Variants in NRXN3 observed in about 807,000 individuals in gnomAD.
NRXN3 encodes neurexin 3.
In NRXN3, 32 loss-of-function variants were observed where a neutral mutation model predicts 137.6. The observed-to-expected ratio is 0.23, with a 90% confidence interval of 0.18 to 0.31. The LOEUF is 0.31. Ranked by LOEUF, NRXN3 falls within the 10% of genes least tolerant of loss-of-function variation. NRXN3 has a pLI of 1.00. For missense variants in NRXN3, 1,574 were observed against 2,062.5 expected (o/e 0.76, Z 4.59); for synonymous variants, 798 against 784.5 (o/e 1.02, Z -0.29).
chr14:78,684,076 T>C (rs2152749996), intron 6 of NRXN3, among the ~76,000 whole-genome samples: 1 of 152,302 alleles, frequency 6.6e-6, no homozygotes, highest in East Asian at 1.9e-4. Flanking sequence ...TAAATCTTTG[T>C]CCCTTAGGCT....
intron 4 of NRXN3, among the ~76,000 whole-genome samples, chr14:78,436,451 G>T (rs1343127370): frequency 6.6e-6 from 1 of 152,164 alleles, no homozygotes; most frequent in African/African-American, 2.4e-5. Context: ...TGAGGCACAA[G>T]GAGGAAAATA....
intron 4 of NRXN3, among the ~76,000 whole-genome samples, chr14:78,411,509 G>T (rs1010874012): frequency 1.3e-5 from 2 of 152,138 alleles, no homozygotes; most frequent in African/African-American, 2.4e-5. Context: ...CTTCCCACAA[G>T]GTTATTGTGA....
intron 15 of NRXN3, chr14:79,074,608 G>A (rs1195880677): frequency 1.3e-5 from 2 of 152,208 alleles, no homozygotes; most frequent in African/African-American, 2.4e-5. Context: ...AGCAGACCTT[G>A]GGAATCCAGT....
At chr14:79,171,684 C>T (rs192881116) in intron 15 of NRXN3, among the ~76,000 whole-genome samples, 1 of 152,148 alleles carries the variant, frequency 6.6e-6, no homozygotes, top group African/African-American at 2.4e-5. Flanking sequence ...TCAGAACTTT[C>T]TTGCTCTTCT....
chr14:79,631,201 A>G (rs1041956801), intron 16 of NRXN3, among the ~76,000 whole-genome samples: 10 of 152,272 alleles, frequency 6.6e-5, no homozygotes, highest in African/African-American at 2.4e-4. Context: ...GAGACAGATC[A>G]TACTTTAATT....
At chr14:78,522,967 T>A (rs1169929142) in intron 4 of NRXN3, among the ~76,000 whole-genome samples, 2 of 152,230 alleles carry the variant, frequency 1.3e-5, no homozygotes, top group Non-Finnish European at 2.9e-5. Flanking sequence ...GGAATGTGAA[T>A]TCATAGTGTT....
intron 15 of NRXN3, among the ~76,000 whole-genome samples, chr14:79,223,952 G>A (rs2070326073): frequency 6.6e-6 from 1 of 151,916 alleles, no homozygotes; most frequent in African/African-American, 2.4e-5. Context: ...ACGGGGAGGA[G>A]GAATGATGTT....
At chr14:78,568,709 G>A (rs2096859518) in intron 4 of NRXN3, among the ~76,000 whole-genome samples, 1 of 152,122 alleles carries the variant, frequency 6.6e-6, no homozygotes, top group Admixed American at 6.5e-5. Context: ...GTTTTTTACT[G>A]ACTGCATATT....
At chr14:78,965,330 C>A (rs1366012409) in intron 11 of NRXN3, among the ~76,000 whole-genome samples, 1 of 152,114 alleles carries the variant, frequency 6.6e-6, no homozygotes, top group East Asian at 1.9e-4. Context: ...AGGGCCTAAG[C>A]CCCCCAGGTG....
At chr14:78,515,240 A>G (rs1263024021) in intron 4 of NRXN3, among the ~76,000 whole-genome samples, 2 of 152,156 alleles carry the variant, frequency 1.3e-5, no homozygotes, top group African/African-American at 4.8e-5. Context: ...CTAGGGATAG[A>G]GGGATGCTCA....
chr14:79,431,929 A>G (rs776224113), intron 15 of NRXN3, among the ~76,000 whole-genome samples: 2 of 152,148 alleles, frequency 1.3e-5, no homozygotes, highest in Non-Finnish European at 2.9e-5. Context: ...TTTACATGAC[A>G]GTAGCTTAAT....
chr14:79,531,046 A>T (rs572252525), intron 16 of NRXN3, among the ~76,000 whole-genome samples: 2 of 152,250 alleles, frequency 1.3e-5, no homozygotes, highest in South Asian at 4.1e-4. Context: ...TCACATTTGG[A>T]TTGAGAATTT....
chr14:79,199,435 C>G (rs1422976063), intron 15 of NRXN3, among the ~76,000 whole-genome samples: 3 of 152,090 alleles, frequency 2.0e-5, no homozygotes, highest in African/African-American at 2.4e-5. Flanking sequence ...AGAAGCCACA[C>G]TGAGGATTGA....
chr14:78,408,498 T>A (rs2092635333), intron 4 of NRXN3, among the ~76,000 whole-genome samples: 2 of 152,214 alleles, frequency 1.3e-5, no homozygotes, highest in African/African-American at 4.8e-5. Context: ...TCTTTCACCA[T>A]CAGAATTGCC....
intron 4 of NRXN3, among the ~76,000 whole-genome samples, chr14:78,314,893 C>CTCTTTCTTTCTTTCTTTCTTTCTT (rs67628703): frequency 1.3e-4 from 11 of 82,126 alleles, no homozygotes; most frequent in Non-Finnish European, 1.5e-4. Flanking sequence ...TTCTTTCTTT[C>CTCTTTCTTTCTTTCTTTCTTTCTT]TCTTTCTTTC....
At chr14:79,855,434 T>C (rs1023708484) in intron 20 of NRXN3, among the ~76,000 whole-genome samples, 14 of 152,336 alleles carry the variant, frequency 9.2e-5, no homozygotes, top group African/African-American at 3.4e-4. Flanking sequence ...CGATTTTGTG[T>C]TGTTTGACAT....
rs3061386 is a variant in NRXN3 at position 79,569,602 on chromosome 14, C to CGTGT, written c.3445-94150_3445-94147dup. On this transcript the variant is annotated intron_variant, in intron 16 of 20. Coordinates refer to ENST00000335750, the MANE Select transcript of NRXN3 (RefSeq NM_001330195.2). ...AATTAATGGGCTTTTGAATGAGCAA[C>CGTGT]GTGTGTGTGTGTGTGTGTGTGTGTG... Among the ~76,000 whole-genome samples the CGTGT allele has an allele frequency of 0.01, 1,495 of 145,552 alleles. 42 individuals carry two copies. The East Asian group carries it at 0.12, about 11-fold the overall frequency.
intron 16 of NRXN3, among the ~76,000 whole-genome samples, chr14:79,476,816 GC>G (rs2153631750): frequency 6.6e-6 from 1 of 152,196 alleles, no homozygotes; most frequent in South Asian, 2.1e-4. Context: ...GTTTGAAGAA[GC>G]TAAAGCATTT....
intron 10 of NRXN3, among the ~76,000 whole-genome samples, chr14:78,913,042 T>C (rs2099243664): frequency 6.6e-6 from 1 of 152,052 alleles, no homozygotes; most frequent in African/African-American, 2.4e-5. Context: ...TGATCTCTCC[T>C]TCAATAGAGT....
Sources: allele counts gnomAD v4.1 joint callset (sites outside exome capture counted in the v4.1 genomes callset), GRCh38; gene constraint gnomAD v4.1.1; transcripts MANE v1.5; gene names NCBI Gene and HGNC (gene_info 2026-07-23, HGNC 2026-07-21).